Variants in PPP4R3A observed in about 807,000 individuals in gnomAD.
The protein encoded by PPP4R3A is protein phosphatase 4 regulatory subunit 3A.
A neutral mutation model predicts 91.7 loss-of-function variants in PPP4R3A; 15 were observed. The ratio of observed to expected loss-of-function variants is 0.16; its 90% CI spans 0.11 to 0.25. PPP4R3A has a LOEUF of 0.25. Among genes scored for constraint, PPP4R3A ranks in the 10% least tolerant of loss-of-function variants. The pLI, the probability that PPP4R3A is intolerant of heterozygous loss-of-function variation, is 1.00. For synonymous variants in PPP4R3A, 377 were observed against 348.7 expected, an observed-to-expected ratio of 1.08 and a Z score of -0.91; for missense variants, 623 against 998.4, an observed-to-expected ratio of 0.62 and a Z score of 5.07.
rs771873469 is a variant in PPP4R3A at position 91,490,744 on chromosome 14, T to C, written c.198+3A>G. On this transcript the variant is annotated splice_donor_region_variant and intron_variant, in intron 2 of 14. Coordinates refer to ENST00000554943, the MANE Select transcript of PPP4R3A (RefSeq NM_001366432.2). Reference sequence around the variant, plus strand: ...AAGATAAAACACATCTTCAAAATTTTACCTGTTGTTTCTGGTATGCAGTGT... The same window carrying C: ...AAGATAAAACACATCTTCAAAATTTCACCTGTTGTTTCTGGTATGCAGTGT... The C allele has an allele frequency of 2.5e-6, 4 of 1,607,596 alleles. No individual in the cohort carries two copies. Among genetic ancestry groups the C allele is most frequent in the Non-Finnish European group, 3.4e-6 (4 of 1,176,988 alleles).
chr14:91,462,871 T>C lies in PPP4R3A; in HGVS notation c.1837A>G (p.Ile613Val), dbSNP rs1398570794. The change falls in exon 12 of 15, where the codon ATA becomes GTA. Residue 613 changes from isoleucine (I) to valine (V), a missense_variant. This residue lies in a region of PPP4R3A where 87 missense variants were observed against 233.9 expected (regional missense o/e 0.37). Coordinates refer to ENST00000554943, the MANE Select transcript of PPP4R3A (RefSeq NM_001366432.2). ...EMFEFIRVED[I>V]KSLTAHVIEN... ...ATTACATGAGCAGTTAATGATTTTA[T>C]ATCTTCCTACAGAAAAGAATAGTAA... 2 of 1,593,434 alleles carry C rather than the reference T, an allele frequency of 1.3e-6. No homozygotes were observed. Among genetic ancestry groups the C allele is most frequent in the Admixed American group, 3.4e-5 (2 of 58,550 alleles).
At chr14:91,461,690 T>A in intron 13 of PPP4R3A, 83 bp from the exon 14 acceptor site, 1 of 1,333,568 alleles carries the variant, frequency 7.5e-7, no homozygotes, top group Non-Finnish European at 1.0e-6. Context: ...AAAACACATT[T>A]AACTAGCTTA....
Position 91,461,456 on chromosome 14 carries a change from A to G in PPP4R3A, c.2316T>C (p.Pro772=), listed in dbSNP as rs1364188747. ...GAGAGCCTGGAGATCCTGGGGATCCAGGTGATCCCGGAGAACCAGGCAGAT... is the reference window on the plus strand; with the variant it reads ...GAGAGCCTGGAGATCCTGGGGATCCGGGTGATCCCGGAGAACCAGGCAGAT... ...TTNLPGSPGS[P]GSPGSPGSPG... is the part of the protein sequence containing the mutation. The change falls in exon 14 of 15, where the codon CCT becomes CCC. Residue 772 remains proline (P), a synonymous_variant. Coordinates refer to ENST00000554943, the MANE Select transcript of PPP4R3A (RefSeq NM_001366432.2). 6.2e-7 allele frequency: 1 copy of G among 1,614,164 alleles called. No individual in the cohort carries two copies. Among genetic ancestry groups the G allele is most frequent in the Admixed American group, 1.7e-5 (1 of 60,022 alleles).
intron 13 of PPP4R3A, 50 bp downstream of exon 13, chr14:91,461,993 ATAAATC>A: frequency 7.0e-7 from 1 of 1,433,518 alleles, no homozygotes; most frequent in African/African-American, 1.4e-5. Flanking sequence ...AGAAATAAGA[ATAAATC>A]TAGAGTAAGA....
In PPP4R3A at chr14:91,509,488, G is replaced by A; in HGVS notation, c.142+18C>T. 2.5e-6 allele frequency: 4 copies of A among 1,573,852 alleles called. No homozygotes were observed. The highest frequency in any genetic ancestry group is 1.8e-5 in the Admixed American group (1 of 56,376). On this transcript the variant is annotated intron_variant, in intron 1 of 14. Coordinates refer to ENST00000554943, the MANE Select transcript of PPP4R3A (RefSeq NM_001366432.2). ...CCGTGGGGGCTGCGAGGGTCCCGCC[G>A]CGCGGGGCTTCACTTACCGTCGCTC... is the stretch of plus-strand genomic sequence containing the variant.
At chr14:91,489,778 C>T (rs1890125058) in intron 2 of PPP4R3A, among the ~76,000 whole-genome samples, 1 of 152,178 alleles carries the variant, frequency 6.6e-6, no homozygotes, top group Non-Finnish European at 1.5e-5. Flanking sequence ...AAATGCAATA[C>T]AGTATTCTAT....
At chr14:91,466,302 T>A in intron 10 of PPP4R3A, 3 of 985,836 alleles carry the variant, frequency 3.0e-6, no homozygotes, top group Non-Finnish European at 3.6e-6. Flanking sequence ...GATTAAATAT[T>A]GTGTTTGTAT....
In PPP4R3A at chr14:91,465,386, A is replaced by G; in HGVS notation, c.1694T>C (p.Leu565Ser). The change falls in exon 11 of 15, where the codon TTA becomes TCA. Residue 565 changes from leucine (L) to serine (S), a missense_variant. Leu to Ser is a moderately radical substitution (Grantham distance 145, BLOSUM62 -2). Transcript: ENST00000554943. The stretch of plus-strand genomic sequence containing the variant: ...GTAGCGGTTGTAAAACTCATCTTTT[A>G]ATCCAATAATCTTTCTTTTAAAACG... ...ALRFKRKIIG[L>S]KDEFYNRYIM... The G allele has an allele frequency of 1.9e-6, 3 of 1,596,942 alleles. No individual in the cohort carries two copies. Among genetic ancestry groups the G allele is most frequent in the Non-Finnish European group, 2.6e-6 (3 of 1,175,466 alleles).
intron 13 of PPP4R3A, 23 bp from the exon 14 acceptor site, chr14:91,461,630 T>C (rs1018208895): frequency 1.9e-6 from 3 of 1,605,208 alleles, no homozygotes; most frequent in Non-Finnish European, 2.6e-6. Flanking sequence ...ATACTGTCAA[T>C]AGTCGTCCCC....
intron 1 of PPP4R3A, among the ~76,000 whole-genome samples, chr14:91,505,193 CTGTAATCCCAGCACTT>C (rs1891213446): frequency 2.0e-5 from 3 of 152,158 alleles, no homozygotes; most frequent in Admixed American, 2.0e-4. Flanking sequence ...TGGCTCACGC[CTGTAATCCCAGCACTT>C]TGGGAGGCTG....
At chr14:91,507,369 ATAAT>A (rs1457328680) in intron 1 of PPP4R3A, among the ~76,000 whole-genome samples, 1 of 72,276 alleles carries the variant, frequency 1.4e-5, no homozygotes, top group Admixed American at 1.8e-4. Flanking sequence ...TATATATACT[ATAAT>A]TATATATACT....
At chr14:91,490,643 TG>T in intron 2 of PPP4R3A, 103 bp downstream of exon 2, 1 of 822,912 alleles carries the variant, frequency 1.2e-6, no homozygotes, top group Admixed American at 2.8e-5. Context: ...ACTGCCAAAC[TG>T]TTGTAATCTC....
rs557814668 is a variant in PPP4R3A at position 91,502,354 on chromosome 14, A to C, written c.142+7152T>G. Among the ~76,000 whole-genome samples, 10 of 152,230 alleles carry C rather than the reference A, an allele frequency of 6.6e-5. No homozygotes were observed. In the South Asian group the frequency reaches 2.1e-3, roughly 32 times the overall value. On this transcript the variant is annotated intron_variant, in intron 1 of 14. Coordinates refer to ENST00000554943, the MANE Select transcript of PPP4R3A (RefSeq NM_001366432.2). ...GGTAGGAGGATTACTTGAGCCTAAGAGTTTGAGGCTGCAGTGAGCTATGAT... is the reference window on the plus strand; with the variant it reads ...GGTAGGAGGATTACTTGAGCCTAAGCGTTTGAGGCTGCAGTGAGCTATGAT...
intron 1 of PPP4R3A, among the ~76,000 whole-genome samples, chr14:91,499,658 T>C (rs1190276795): frequency 6.6e-6 from 1 of 151,594 alleles, no homozygotes; most frequent in African/African-American, 2.4e-5. Flanking sequence ...TCATCTCTAC[T>C]AAAAATACAA....
intron 10 of PPP4R3A, among the ~76,000 whole-genome samples, chr14:91,467,945 CAGA>C (rs1888578483): frequency 6.6e-6 from 1 of 152,052 alleles, no homozygotes; most frequent in Non-Finnish European, 1.5e-5. Context: ...CACTTTTTTT[CAGA>C]AGAACCACAA....
At chr14:91,490,597 C>T in intron 2 of PPP4R3A, 150 bp downstream of exon 2, 1 of 613,726 alleles carries the variant, frequency 1.6e-6, no homozygotes, top group Non-Finnish European at 2.8e-6. Context: ...GTATTAAACA[C>T]TATAGGAATT....
chr14:91,471,111 C>G (rs1888804266), intron 9 of PPP4R3A, 116 bp from the exon 10 acceptor site: 5 of 942,474 alleles, frequency 5.3e-6, no homozygotes, highest in Admixed American at 3.4e-5. Flanking sequence ...AATATATTAA[C>G]TTTAGGGAGG....
At chr14:91,499,994 CCTT>C (rs991148026) in intron 1 of PPP4R3A, among the ~76,000 whole-genome samples, 1 of 152,034 alleles carries the variant, frequency 6.6e-6, no homozygotes, top group African/African-American at 2.4e-5. Flanking sequence ...AGTGAGGTAT[CCTT>C]CTAACAAAGT....
intron 5 of PPP4R3A, among the ~76,000 whole-genome samples, 169 bp from the exon 6 acceptor site, chr14:91,476,693 G>A (rs1889228875): frequency 6.6e-6 from 1 of 152,190 alleles, no homozygotes; most frequent in South Asian, 2.1e-4. Context: ...AGCCTTCTGA[G>A]TAGCTAGGAT....
Sources: allele counts gnomAD v4.1 joint callset (sites outside exome capture counted in the v4.1 genomes callset), GRCh38; gene constraint gnomAD v4.1.1; regional missense constraint gnomAD v4.1.1; transcripts MANE v1.5; gene names NCBI Gene and HGNC (gene_info 2026-07-23, HGNC 2026-07-21).